Variants in TMTC1 observed in about 807,000 individuals in gnomAD.
The protein encoded by TMTC1 is protein O-mannosyl-transferase TMTC1.
TMTC1 carries 73 observed loss-of-function variants against 104.8 expected under a neutral mutation model. That is an observed-to-expected ratio of 0.70 (90% CI 0.58 to 0.85). TMTC1 has a LOEUF of 0.85. Ranked by LOEUF, TMTC1 falls within the 40% of genes least tolerant of loss-of-function variation. The probability of loss-of-function intolerance (pLI) is 0.00; values close to 1 mark genes in which losing one functional copy is unlikely to be tolerated. For synonymous variants in TMTC1, 434 were observed against 428.7 expected, an observed-to-expected ratio of 1.01 and a Z score of -0.15; for missense variants, 1,035 against 1,096.1, an observed-to-expected ratio of 0.94 and a Z score of 0.79.
In TMTC1 at chr12:29,503,619, A is replaced by T. The variant is rs904279953; in HGVS notation, c.*3227T>A. 1.3e-5 allele frequency: 2 copies of T among 152,124 alleles called. No individual in the cohort carries two copies. Among genetic ancestry groups the T allele is most frequent in the African/African-American group, 4.8e-5 (2 of 41,420 alleles). The allele number at this position is 152,124 out of a possible 1,614,324, so 9.4% of individuals were successfully genotyped here. On this transcript the variant is annotated 3_prime_UTR_variant, in exon 18 of 18. Coordinates refer to ENST00000539277, the MANE Select transcript of TMTC1 (RefSeq NM_001193451.2). ...TAAATGTAGCTGGAAAAAAATAGCA[A>T]ATCTGTTCAGAGTAACACAATCATA...
chr12:29,721,080 T>C (rs910522810), intron 5 of TMTC1, among the ~76,000 whole-genome samples: 1 of 152,192 alleles, frequency 6.6e-6, no homozygotes, highest in Non-Finnish European at 1.5e-5. Flanking sequence ...AATAATGATA[T>C]TTTAAATATA....
intron 5 of TMTC1, among the ~76,000 whole-genome samples, chr12:29,749,724 A>T (rs1943042111): frequency 6.6e-6 from 1 of 152,024 alleles, no homozygotes; most frequent in Admixed American, 6.6e-5. Context: ...CAGAAAATCT[A>T]TTACTCCCCT....
chr12:29,572,343 T>C lies in TMTC1; in HGVS notation c.1419-125A>G, dbSNP rs1945702224. 26 of 812,856 alleles carry C rather than the reference T, an allele frequency of 3.2e-5. 1 individual carries two copies. 50.4% of individuals were successfully genotyped at this position (812,856 alleles called of 1,614,324 possible). ...TCCGTTGTATTCTAAAACAAGGCAT[T>C]GTAGCCTACAAGGCTTCCAAAATTT... On this transcript the variant is annotated intron_variant, in intron 8 of 17. Coordinates refer to ENST00000539277, the MANE Select transcript of TMTC1 (RefSeq NM_001193451.2).
intron 5 of TMTC1, among the ~76,000 whole-genome samples, chr12:29,728,862 G>A (rs528919229): frequency 6.6e-6 from 1 of 151,760 alleles, no homozygotes; most frequent in African/African-American, 2.4e-5. Flanking sequence ...CCTGGGTGTG[G>A]GGGCTGGTGC....
chr12:29,517,517 A>G lies in TMTC1; in HGVS notation c.2079T>C (p.Tyr693=), dbSNP rs112380600. ...AEILSPLGAL[Y]YNTGRYEEAL... ...CCTCTTCGTATCGGCCAGTGTTGTA[A>G]TACAGTGCTCCCAAAGGTGACAATA... Residue 693 remains tyrosine (Y), a synonymous_variant, in exon 14 of 18, where the codon TAT becomes TAC. Coordinates refer to ENST00000539277, the MANE Select transcript of TMTC1 (RefSeq NM_001193451.2). 79 of 1,613,984 alleles carry G rather than the reference A, an allele frequency of 4.9e-5. No homozygotes were observed. Among genetic ancestry groups the G allele is most frequent in the Non-Finnish European group, 6.4e-5 (76 of 1,180,020 alleles).
At chr12:29,745,618 CAAAA>C (rs71444341) in intron 5 of TMTC1, among the ~76,000 whole-genome samples, 10 of 84,574 alleles carry the variant, frequency 1.2e-4, no homozygotes, top group East Asian at 3.7e-4. Context: ...GAGACTCAAT[CAAAA>C]AAAAAAAAAA....
In TMTC1 at chr12:29,572,115, T is replaced by C; in HGVS notation, c.1522A>G (p.Thr508Ala). ...RNKEAIYHYR[T>A]ALKLYPRHAS... is the part of the protein sequence containing the mutation. The stretch of plus-strand genomic sequence containing the variant: ...CTGTGTGGCGCTTACTTGAGAGCTG[T>C]TCTGTAGTGGTAGATCGCTTCCTTG... Residue 508 changes from threonine to alanine, a missense_variant, in exon 9 of 18, where the codon ACA becomes GCA. Coordinates refer to ENST00000539277, the MANE Select transcript of TMTC1 (RefSeq NM_001193451.2). The C allele has an allele frequency of 6.2e-7, 1 of 1,613,778 alleles. No individual in the cohort carries two copies. The highest frequency in any genetic ancestry group is 8.5e-7 in the Non-Finnish European group (1 of 1,179,690).
At chr12:29,610,664 G>A (rs1450470796) in intron 6 of TMTC1, among the ~76,000 whole-genome samples, 5 of 152,174 alleles carry the variant, frequency 3.3e-5, no homozygotes, top group Non-Finnish European at 5.9e-5. Flanking sequence ...CCCTGATTCC[G>A]GCCCCAGTGG....
intron 8 of TMTC1, among the ~76,000 whole-genome samples, chr12:29,575,069 T>A (rs1945785036): frequency 6.6e-6 from 1 of 152,142 alleles, no homozygotes; most frequent in Non-Finnish European, 1.5e-5. Flanking sequence ...TTTTATCCTT[T>A]GTAGCTGCTT....
Position 29,758,765 on chromosome 12 carries a change from C to T in TMTC1, c.493G>A (p.Val165Ile), listed in dbSNP as rs372238552. Residue 165 changes from valine (V) to isoleucine (I), a missense_variant, in exon 3 of 18, where the codon GTT (valine) becomes ATT (isoleucine). Transcript: ENST00000539277. ...CACGCTAACACGTCCGCTCTGCCAA[C>T]GATCCCAGCCACCTTGGAAGTTAAA... Reference protein sequence around the residue: ...PIHTEAVAGIVGRADVLACLL... With the variant: ...PIHTEAVAGIIGRADVLACLL... 2.1e-5 allele frequency: 33 copies of T among 1,604,806 alleles called. No homozygotes were observed. The highest frequency in any genetic ancestry group is 5.2e-5 in the Admixed American group (3 of 57,828).
At chr12:29,518,673 T>C in intron 12 of TMTC1, 66 bp from the exon 13 acceptor site, 3 of 1,554,860 alleles carry the variant, frequency 1.9e-6, no homozygotes, top group Non-Finnish European at 2.6e-6. Context: ...AACATTTCAC[T>C]TTCTCTTCTG....
chr12:29,630,091 T>A (rs946035659), intron 6 of TMTC1, among the ~76,000 whole-genome samples: 1 of 152,244 alleles, frequency 6.6e-6, no homozygotes, highest in Non-Finnish European at 1.5e-5. Flanking sequence ...CAAGTTATAG[T>A]CAACCTCCAA....
chr12:29,724,235 T>C (rs1199620385), intron 5 of TMTC1, among the ~76,000 whole-genome samples: 1 of 152,230 alleles, frequency 6.6e-6, no homozygotes, highest in African/African-American at 2.4e-5. Context: ...TTGAAAATGT[T>C]AAAGTCTGAT....
intron 5 of TMTC1, among the ~76,000 whole-genome samples, chr12:29,660,200 C>T (rs985921324): frequency 6.6e-6 from 1 of 152,184 alleles, no homozygotes; most frequent in Non-Finnish European, 1.5e-5. Context: ...ACTTTTAGTT[C>T]ATTCTTTTAG....
At position 29,572,146 on chromosome 12, in the gene TMTC1, A is replaced by G; in HGVS notation, c.1491T>C (p.Gly497=). Residue 497 remains glycine (G), a synonymous_variant, in exon 9 of 18, where the codon GGT becomes GGC. Transcript: ENST00000539277. ...AGTGGTAGATCGCTTCCTTGTTCCG[A>G]CCTTGGTCCTTCAGGAAATTGGCAT... The part of the protein sequence containing the change: ...YNYANFLKDQ[G]RNKEAIYHYR... 6.2e-7 allele frequency: 1 copy of G among 1,613,924 alleles called. No individual in the cohort carries two copies.
intron 5 of TMTC1, among the ~76,000 whole-genome samples, chr12:29,751,004 T>C (rs549830278): frequency 6.6e-6 from 1 of 152,366 alleles, no homozygotes; most frequent in South Asian, 2.1e-4. Context: ...GCCCAATTCA[T>C]TATTCACTGT....
intron 5 of TMTC1, among the ~76,000 whole-genome samples, chr12:29,671,637 A>T (rs1591902572): frequency 6.6e-6 from 1 of 152,332 alleles, no homozygotes; most frequent in South Asian, 2.1e-4. Context: ...GGTGTAAAAA[A>T]GTGAATTCAC....
intron 5 of TMTC1, among the ~76,000 whole-genome samples, chr12:29,735,684 T>C (rs930198693): frequency 6.6e-6 from 1 of 152,162 alleles, no homozygotes; most frequent in Non-Finnish European, 1.5e-5. Context: ...GAAGGAAGAC[T>C]GCATTTTTAA....
chr12:29,751,924 T>A (rs1943101234), intron 4 of TMTC1, 52 bp from the exon 5 acceptor site: 1 of 1,470,314 alleles, frequency 6.8e-7, no homozygotes, highest in Admixed American at 2.3e-5. Flanking sequence ...TGACAAGGCT[T>A]ACAACAACCG....
Sources: gnomAD v4.1 joint callset for allele counts (sites outside exome capture counted in the v4.1 genomes callset) on GRCh38, gnomAD v4.1.1 for gene constraint, MANE v1.5 for transcripts, NCBI Gene and HGNC (gene_info 2026-07-23, HGNC 2026-07-21) for gene names.